The following CSMD1 variants were observed in gnomAD, a reference collection of about 807,000 sequenced individuals.
CSMD1 encodes the protein CUB and Sushi multiple domains 1, also known as CUB and sushi domain-containing protein 1.
CSMD1 carries 213 observed loss-of-function variants against 417.5 expected under a neutral mutation model. The ratio of observed to expected loss-of-function variants is 0.51; its 90% CI spans 0.46 to 0.57. CSMD1 has a LOEUF of 0.57. Ranked by LOEUF, CSMD1 falls within the 20% of genes least tolerant of loss-of-function variation. CSMD1 has a pLI of 0.00. For missense variants in CSMD1, 6,923 were observed against 4,529.7 expected (o/e 1.53, Z -15.17); for synonymous variants, 2,862 against 1,736.8 (o/e 1.65, Z -16.11).
intron 46 of CSMD1, among the ~76,000 whole-genome samples, chr8:3,104,380 G>C (rs138879118): frequency 5.9e-5 from 9 of 152,230 alleles, no homozygotes; most frequent in Non-Finnish European, 1.3e-4. Flanking sequence ...CCACTTCTAA[G>C]TAAGGCAACC....
chr8:4,865,751 G>A (rs892824833), intron 1 of CSMD1, among the ~76,000 whole-genome samples: 2 of 151,854 alleles, frequency 1.3e-5, no homozygotes, highest in Non-Finnish European at 2.9e-5. Context: ...AGAGAGAAAA[G>A]CTCAACCCTA....
At chr8:4,074,556 G>T (rs995047913) in intron 3 of CSMD1, among the ~76,000 whole-genome samples, 1 of 152,012 alleles carries the variant, frequency 6.6e-6, no homozygotes, top group African/African-American at 2.4e-5. Context: ...ATTCCCAGTG[G>T]AAGTTAAAGG....
chr8:4,604,544 C>G (rs1220245333), intron 2 of CSMD1, among the ~76,000 whole-genome samples: 1 of 151,956 alleles, frequency 6.6e-6, no homozygotes, highest in East Asian at 1.9e-4. Context: ...AATAAATGAA[C>G]GCTTTTATTT....
At chr8:4,183,037 G>C (rs750850995) in intron 3 of CSMD1, among the ~76,000 whole-genome samples, 1 of 152,170 alleles carries the variant, frequency 6.6e-6, no homozygotes, top group African/African-American at 2.4e-5. Flanking sequence ...AAGTACACGT[G>C]ATTGTGTTAT....
intron 5 of CSMD1, among the ~76,000 whole-genome samples, chr8:3,949,403 C>A (rs11779222): frequency 0.23 from 35,199 of 152,070 alleles, 4,512 homozygotes; most frequent in East Asian, 0.34. Context: ...TCAGACTATT[C>A]TAACTATCAC....
At chr8:3,431,685 C>T (rs1336700067) in intron 12 of CSMD1, among the ~76,000 whole-genome samples, 1 of 152,140 alleles carries the variant, frequency 6.6e-6, no homozygotes, top group Non-Finnish European at 1.5e-5. Context: ...ACATATGACC[C>T]ATAGTCTTGC....
intron 51 of CSMD1, among the ~76,000 whole-genome samples, chr8:3,024,545 G>C (rs1293720878): frequency 1.3e-5 from 2 of 152,188 alleles, no homozygotes; most frequent in Non-Finnish European, 2.9e-5. Flanking sequence ...GACCTCAGGT[G>C]ATCCACTCGC....
chr8:4,578,886 T>C (rs1030866649), intron 2 of CSMD1, among the ~76,000 whole-genome samples: 3 of 149,788 alleles, frequency 2.0e-5, no homozygotes, highest in Non-Finnish European at 3.0e-5. Context: ...TTTTACTAGA[T>C]CATTATTTTG....
At chr8:4,250,194 A>T (rs1201734770) in intron 3 of CSMD1, among the ~76,000 whole-genome samples, 1 of 152,150 alleles carries the variant, frequency 6.6e-6, no homozygotes, top group African/African-American at 2.4e-5. Flanking sequence ...TTTCTTTACA[A>T]AGTACCTGGT....
intron 18 of CSMD1, among the ~76,000 whole-genome samples, chr8:3,377,562 G>C (rs751290264): frequency 3.3e-5 from 5 of 152,022 alleles, no homozygotes; most frequent in Non-Finnish European, 7.4e-5. Context: ...GCTCTTTTTG[G>C]TCTATTCCCA....
At chr8:4,670,252 G>A (rs1047517137) in intron 1 of CSMD1, among the ~76,000 whole-genome samples, 3 of 152,130 alleles carry the variant, frequency 2.0e-5, no homozygotes, top group African/African-American at 4.8e-5. Flanking sequence ...GAAGAGGCAT[G>A]GCCTTTAGTC....
chr8:3,568,186 G>C (rs1028619514), intron 10 of CSMD1, among the ~76,000 whole-genome samples: 2 of 152,118 alleles, frequency 1.3e-5, no homozygotes, highest in Non-Finnish European at 2.9e-5. Context: ...AAGTACTGAT[G>C]TTCACTTGCC....
chr8:4,746,860 A>G (rs1333328588), intron 1 of CSMD1, among the ~76,000 whole-genome samples: 4 of 152,224 alleles, frequency 2.6e-5, no homozygotes, highest in Non-Finnish European at 4.4e-5. Flanking sequence ...CATACTCTGC[A>G]AACAACATTC....
intron 2 of CSMD1, among the ~76,000 whole-genome samples, chr8:4,454,345 C>T (rs1261267622): frequency 2.0e-5 from 3 of 152,164 alleles, no homozygotes; most frequent in Non-Finnish European, 4.4e-5. Flanking sequence ...GCAGCTTCAT[C>T]TTACTTTTCT....
chr8:3,290,932 T>TG (rs771467323), intron 25 of CSMD1, among the ~76,000 whole-genome samples: 7 of 152,092 alleles, frequency 4.6e-5, no homozygotes, highest in East Asian at 1.9e-4. Flanking sequence ...TTCCAGTTTT[T>TG]CCCATTCAGT....
At chr8:3,590,599 C>G (rs921502807) in intron 8 of CSMD1, among the ~76,000 whole-genome samples, 3 of 152,136 alleles carry the variant, frequency 2.0e-5, no homozygotes, top group Admixed American at 6.5e-5. Context: ...TAATTACGAT[C>G]ATGAAACCTT....
intron 3 of CSMD1, among the ~76,000 whole-genome samples, chr8:4,046,944 A>T (rs1437531638): frequency 2.0e-5 from 3 of 152,132 alleles, no homozygotes; most frequent in African/African-American, 7.2e-5. Context: ...CTTGAGTCCT[A>T]ACTCCACCTT....
chr8:3,095,415 G>C (rs188482252), intron 47 of CSMD1, among the ~76,000 whole-genome samples: 4 of 152,182 alleles, frequency 2.6e-5, no homozygotes, highest in East Asian at 1.9e-4. Context: ...TAAAGAAAAA[G>C]TTGTAAATAA....
intron 54 of CSMD1, among the ~76,000 whole-genome samples, chr8:2,987,387 T>G (rs985082999): frequency 6.7e-6 from 1 of 148,666 alleles, no homozygotes; most frequent in African/African-American, 2.4e-5. Flanking sequence ...TATAAGTATA[T>G]AAGAAACAGA....
Sources: allele counts gnomAD v4.1 joint callset (sites outside exome capture counted in the v4.1 genomes callset), GRCh38; gene constraint gnomAD v4.1.1; transcripts MANE v1.5; gene names NCBI Gene and HGNC (gene_info 2026-07-23, HGNC 2026-07-21).